Variants in BANF2 observed in about 807,000 individuals in gnomAD.
BANF2 encodes the protein BANF family member 2, also known as barrier-to-autointegration factor-like protein.
BANF2 carries 4 observed loss-of-function variants against 8.0 expected under a neutral mutation model. That is an observed-to-expected ratio of 0.50 (90% CI 0.25 to 1.14). The LOEUF (loss-of-function observed/expected upper bound fraction) is 1.14. BANF2 is among the 50% of genes most tolerant of loss of function. The pLI, the probability that BANF2 is intolerant of heterozygous loss-of-function variation, is 0.16. For missense variants in BANF2, 96 were observed against 107.5 expected (o/e 0.89, Z 0.47); for synonymous variants, 50 against 40.6 (o/e 1.23, Z -0.88).
intron 3 of BANF2, among the ~76,000 whole-genome samples, chr20:17,725,805 G>A (rs978025654): frequency 1.3e-5 from 2 of 152,188 alleles, no homozygotes. Context: ...TGGCACGCCC[G>A]GTCAGGAGAG....
At chr20:17,696,048 TACATTCACCTATTAATGG>T (rs1396641050), upstream of BANF2, among the ~76,000 whole-genome samples, 3 of 152,270 alleles carry the variant, frequency 2.0e-5, no homozygotes, top group Admixed American at 1.3e-4. Flanking sequence ...TATAAGAATA[TACATTCACCTATTAATGG>T]ACATTCACCT....
At chr20:17,713,260 T>TGAGAGAGA (rs144968177) in intron 1 of BANF2, among the ~76,000 whole-genome samples, 1 of 144,848 alleles carries the variant, frequency 6.9e-6, no homozygotes, top group Non-Finnish European at 1.5e-5. Context: ...AAAGAAAGAA[T>TGAGAGAGA]GAGAGAGAGA....
chr20:17,728,743 CCTT>C (rs1568819502), intron 3 of BANF2, among the ~76,000 whole-genome samples: 1 of 152,154 alleles, frequency 6.6e-6, no homozygotes, highest in African/African-American at 2.4e-5. Flanking sequence ...TATGTGATAG[CCTT>C]CTTCTGGGTG....
intron 1 of BANF2, among the ~76,000 whole-genome samples, chr20:17,703,763 A>G (rs1223861907): frequency 1.3e-5 from 1 of 76,364 alleles, no homozygotes. Flanking sequence ...TTTTTTTTTG[A>G]CAGTGTCTTG....
chr20:17,731,528 A>G (rs905606512), intron 3 of BANF2: 1 of 152,070 alleles, frequency 6.6e-6, no homozygotes, highest in Non-Finnish European at 1.5e-5. Flanking sequence ...GAGCATTTTA[A>G]TAAGTGTGGA....
At chr20:17,712,545 G>A (rs2037588996) in intron 1 of BANF2, 1 of 983,120 alleles carries the variant, frequency 1.0e-6, no homozygotes, top group African/African-American at 1.7e-5. Flanking sequence ...GTTCAGGTAG[G>A]GAAGTTCAAG....
chr20:17,728,104 C>A (rs913337177), intron 3 of BANF2, among the ~76,000 whole-genome samples: 41 of 152,298 alleles, frequency 2.7e-4, no homozygotes, highest in Middle Eastern at 6.8e-3. Context: ...CTCACGTGAC[C>A]TCCTGTCTTT....
intron 1 of BANF2, among the ~76,000 whole-genome samples, chr20:17,702,634 G>A (rs542976807): frequency 2.0e-5 from 3 of 152,284 alleles, no homozygotes; most frequent in South Asian, 4.2e-4. Context: ...GCTTCTTGCT[G>A]TGGATAATTT....
chr20:17,734,617 C>T (rs1413062840), intron 3 of BANF2, among the ~76,000 whole-genome samples: 1 of 152,164 alleles, frequency 6.6e-6, no homozygotes, highest in Admixed American at 6.5e-5. Flanking sequence ...ATTTTGCCCC[C>T]AAGGGACATT....
chr20:17,731,759 G>GAAAAAAAAAA (rs58645809), intron 3 of BANF2, among the ~76,000 whole-genome samples: 3 of 95,060 alleles, frequency 3.2e-5, no homozygotes, highest in African/African-American at 8.9e-5. Flanking sequence ...CGTCTCTTAG[G>GAAAAAAAAAA]AAAAAAAAAA....
intron 3 of BANF2, among the ~76,000 whole-genome samples, chr20:17,730,194 A>G (rs79943626): frequency 1.3e-5 from 2 of 152,180 alleles, no homozygotes; most frequent in African/African-American, 4.8e-5. Context: ...ATGGTAAAAA[A>G]CAATCCTACA....
intron 1 of BANF2, among the ~76,000 whole-genome samples, chr20:17,701,441 G>A (rs2037407473): frequency 6.6e-6 from 1 of 152,212 alleles, no homozygotes; most frequent in Admixed American, 6.5e-5. Context: ...TTAACCTGGA[G>A]CATGCCTTCA....
intron 1 of BANF2, among the ~76,000 whole-genome samples, chr20:17,716,952 G>A (rs2037664050): frequency 1.3e-5 from 2 of 152,188 alleles, no homozygotes; most frequent in African/African-American, 4.8e-5. Flanking sequence ...GGGCTCAAGT[G>A]ATAATCCTCC....
intron 3 of BANF2, among the ~76,000 whole-genome samples, chr20:17,730,567 C>T (rs1012655142): frequency 6.6e-5 from 10 of 152,296 alleles, no homozygotes; most frequent in Admixed American, 2.0e-4. Flanking sequence ...TCTCGCATGC[C>T]GGCAGCCAAC....
At chr20:17,724,883 G>T (rs563806556) in intron 2 of BANF2, 140 bp from the exon 3 acceptor site, 1 of 866,340 alleles carries the variant, frequency 1.2e-6, no homozygotes, top group Admixed American at 2.8e-5. Flanking sequence ...AGTAGACCCC[G>T]GGAAATGCTG....
chr20:17,704,065 G>A (rs2037447570), intron 1 of BANF2, among the ~76,000 whole-genome samples: 1 of 152,246 alleles, frequency 6.6e-6, no homozygotes, highest in African/African-American at 2.4e-5. Flanking sequence ...AGGAAGCAGA[G>A]GCTGCCAGGC....
At chr20:17,702,212 A>G (rs924037258) in intron 1 of BANF2, among the ~76,000 whole-genome samples, 2 of 152,164 alleles carry the variant, frequency 1.3e-5, no homozygotes, top group Non-Finnish European at 2.9e-5. Context: ...GCCTTTCCCT[A>G]AGGCAAACTG....
At chr20:17,730,264 T>A (rs1424308776) in intron 3 of BANF2, among the ~76,000 whole-genome samples, 1 of 152,170 alleles carries the variant, frequency 6.6e-6, no homozygotes, top group East Asian at 1.9e-4. Flanking sequence ...AGAGACCACA[T>A]GTGGATTGCT....
At chr20:17,716,769 A>C (rs2037659172) in intron 1 of BANF2, among the ~76,000 whole-genome samples, 1 of 127,420 alleles carries the variant, frequency 7.8e-6, no homozygotes, top group African/African-American at 2.9e-5. Context: ...TGAGCCCAGG[A>C]GGCGGAGGTT....
Sources: gnomAD v4.1 joint callset for allele counts (sites outside exome capture counted in the v4.1 genomes callset) on GRCh38, gnomAD v4.1.1 for gene constraint, MANE v1.5 for transcripts, NCBI Gene and HGNC (gene_info 2026-07-23, HGNC 2026-07-21) for gene names.